Variants in CSMD1 observed in about 807,000 individuals in gnomAD.
CSMD1 encodes CUB and Sushi multiple domains 1, also known as CUB and sushi domain-containing protein 1.
A neutral mutation model predicts 417.5 loss-of-function variants in CSMD1; 213 were observed. The observed-to-expected ratio is 0.51, with a 90% CI of 0.46 to 0.57. CSMD1 has a LOEUF of 0.57. Ranked by LOEUF, CSMD1 falls within the 20% of genes least tolerant of loss-of-function variation. CSMD1 has a pLI of 0.00. For missense variants in CSMD1, 6,923 were observed against 4,529.7 expected, an observed-to-expected ratio of 1.53 and a Z score of -15.17; for synonymous variants, 2,862 against 1,736.8, an observed-to-expected ratio of 1.65 and a Z score of -16.11.
chr8:3,678,901 C>T (rs372746469), intron 7 of CSMD1, among the ~76,000 whole-genome samples: 4 of 152,074 alleles, frequency 2.6e-5, no homozygotes, highest in Admixed American at 6.6e-5. Context: ...TTAAAGAAAA[C>T]AATTTTCAAC....
At position 4,409,597 on chromosome 8, in the gene CSMD1, C is replaced by G. The variant is rs530307329; in HGVS notation, c.415+10356G>C. On this transcript the variant is annotated intron_variant, in intron 3 of 69. Transcript: ENST00000635120. ...AGCAGGGATGAATTTGTTCTGTGTA[C>G]TCTGACTTAGAAGAGTATAGATTCA... 2.5e-4 allele frequency among the ~76,000 whole-genome samples: 38 copies of G among 151,416 alleles called. 1 individual carries two copies. Among genetic ancestry groups the G allele is most frequent in the Non-Finnish European group, 3.7e-4 (25 of 67,866 alleles).
chr8:3,401,748 A>G (rs991941189), intron 15 of CSMD1, among the ~76,000 whole-genome samples: 1 of 152,164 alleles, frequency 6.6e-6, no homozygotes, highest in African/African-American at 2.4e-5. Flanking sequence ...CCAGAAGTTG[A>G]GTACAGCATT....
rs73498652 is a variant in CSMD1, at chr8:4,557,734, G to C, written c.302+79608C>G. On this transcript the variant is annotated intron_variant, in intron 2 of 69. Transcript: ENST00000635120. ...TTTAATAAATTTCTATACAGCAAAG[G>C]GTCAATTTCAAAGGTGTTTGACAGC... Among the ~76,000 whole-genome samples the C allele has an allele frequency of 2.7e-3, 408 of 151,918 alleles. 1 individual carries two copies. The highest frequency in any genetic ancestry group is 9.6e-3 in the African/African-American group (399 of 41,348).
chr8:4,230,913 T>G (rs908657887), intron 3 of CSMD1, among the ~76,000 whole-genome samples: 6 of 152,292 alleles, frequency 3.9e-5, no homozygotes, highest in South Asian at 4.1e-4. Context: ...TTATATGCTG[T>G]GATTTTTTAA....
At chr8:3,602,838 C>T (rs1286098167) in intron 8 of CSMD1, among the ~76,000 whole-genome samples, 1 of 151,930 alleles carries the variant, frequency 6.6e-6, no homozygotes, top group East Asian at 1.9e-4. Context: ...ACAAACTGGG[C>T]TTTTGTTGAT....
chr8:4,130,942 T>C lies in CSMD1; in HGVS notation c.416-98843A>G, dbSNP rs547338698. 2.0e-5 allele frequency among the ~76,000 whole-genome samples: 3 copies of C among 152,258 alleles called. No individual in the cohort carries two copies. The South Asian group carries it at 6.2e-4, about 32-fold the overall frequency. ...AATTATTCAGGCTTTCTGAATATCA[T>C]ATCTAATCTATAAAATAGAAAACAT... On this transcript the variant is annotated intron_variant, in intron 3 of 69. Transcript: ENST00000635120.
At chr8:4,392,842 C>T (rs941992053) in intron 3 of CSMD1, among the ~76,000 whole-genome samples, 8 of 151,856 alleles carry the variant, frequency 5.3e-5, no homozygotes, top group African/African-American at 1.9e-4. Context: ...GTGGCAGGCA[C>T]CTGTAATCCC....
intron 1 of CSMD1, among the ~76,000 whole-genome samples, chr8:4,828,491 G>T (rs1207907369): frequency 6.6e-6 from 1 of 152,042 alleles, no homozygotes; most frequent in Non-Finnish European, 1.5e-5. Context: ...TGAGTGTCTT[G>T]GGGTAAGATC....
In CSMD1 at chr8:3,299,150, A is replaced by G. The variant is rs184827039; in HGVS notation, c.3950+8545T>C. On this transcript the variant is annotated intron_variant, in intron 25 of 69. Coordinates refer to ENST00000635120, the MANE Select transcript of CSMD1 (RefSeq NM_033225.6). ...AGACACAATTCCACTAGGTAAAGGA[A>G]GTTAAAAAAAATGGAGTGAAGCCAG... 7.8e-3 allele frequency among the ~76,000 whole-genome samples: 1,193 copies of G among 152,294 alleles called. 11 individuals carry two copies. The highest frequency in any genetic ancestry group is 0.024 in the Middle Eastern group (7 of 294).
intron 25 of CSMD1, among the ~76,000 whole-genome samples, chr8:3,305,451 G>A (rs749904024): frequency 2.0e-5 from 3 of 151,134 alleles, no homozygotes; most frequent in South Asian, 2.1e-4. Context: ...GGTCATAAGG[G>A]CTGGGCCCTC....
chr8:4,510,418 A>AAAAAAAAAAAAAAAC (rs1802757928), intron 2 of CSMD1, among the ~76,000 whole-genome samples: 1 of 119,576 alleles, frequency 8.4e-6, no homozygotes, highest in African/African-American at 3.0e-5. Flanking sequence ...AAAAAAAAAA[A>AAAAAAAAAAAAAAAC]AAAAGCAAAT....
At chr8:4,647,606 C>T (rs1373152477) in intron 1 of CSMD1, among the ~76,000 whole-genome samples, 1 of 152,118 alleles carries the variant, frequency 6.6e-6, no homozygotes, top group Non-Finnish European at 1.5e-5. Context: ...TGTTGTTCCC[C>T]TCTCTGTATC....
At chr8:3,761,807 A>G (rs1384448424) in intron 5 of CSMD1, among the ~76,000 whole-genome samples, 2 of 152,094 alleles carry the variant, frequency 1.3e-5, no homozygotes, top group African/African-American at 4.8e-5. Flanking sequence ...TGCCCAGCCA[A>G]AATTACCACT....
intron 3 of CSMD1, among the ~76,000 whole-genome samples, chr8:4,227,261 G>A (rs140578018): frequency 6.6e-6 from 1 of 152,132 alleles, no homozygotes; most frequent in Non-Finnish European, 1.5e-5. Context: ...ACATGGACGA[G>A]CAAGATGGCG....
At chr8:4,983,657 G>A (rs1811017268) in intron 1 of CSMD1, among the ~76,000 whole-genome samples, 1 of 152,028 alleles carries the variant, frequency 6.6e-6, no homozygotes. Flanking sequence ...CATGTAGCTT[G>A]GATTACGGGT....
At chr8:4,025,441 CAAT>C (rs1761796872) in intron 4 of CSMD1, among the ~76,000 whole-genome samples, 1 of 152,110 alleles carries the variant, frequency 6.6e-6, no homozygotes. Flanking sequence ...ATTTATGAAT[CAAT>C]AATAAAGTAT....
intron 23 of CSMD1, among the ~76,000 whole-genome samples, chr8:3,316,183 A>C (rs1362213660): frequency 6.6e-6 from 1 of 152,184 alleles, no homozygotes; most frequent in Non-Finnish European, 1.5e-5. Flanking sequence ...ATATTGTTCT[A>C]ACTTGTACAA....
intron 2 of CSMD1, among the ~76,000 whole-genome samples, chr8:4,469,929 G>A (rs949686580): frequency 3.3e-5 from 5 of 151,252 alleles, no homozygotes; most frequent in African/African-American, 4.9e-5. Flanking sequence ...GTGCAGTGGT[G>A]TGATCTCGGC....
At chr8:3,152,543 A>G (rs1485365825) in intron 39 of CSMD1, among the ~76,000 whole-genome samples, 1 of 152,206 alleles carries the variant, frequency 6.6e-6, no homozygotes, top group Non-Finnish European at 1.5e-5. Flanking sequence ...AGACTGAAAC[A>G]ACTTATTTGT....
Sources: allele counts gnomAD v4.1 joint callset (sites outside exome capture counted in the v4.1 genomes callset), GRCh38; gene constraint gnomAD v4.1.1; transcripts MANE v1.5; gene names NCBI Gene and HGNC (gene_info 2026-07-23, HGNC 2026-07-21).